Variants in LRRN3 observed in about 807,000 individuals in gnomAD.
The protein encoded by LRRN3 is leucine rich repeat neuronal 3.
In LRRN3, 15 loss-of-function variants were observed where a neutral mutation model predicts 40.1. The ratio of observed to expected loss-of-function variants is 0.37; its 90% CI spans 0.25 to 0.58. The LOEUF (loss-of-function observed/expected upper bound fraction) is 0.58. Among genes scored for constraint, LRRN3 ranks in the 20% least tolerant of loss-of-function variants. The pLI, the probability that LRRN3 is intolerant of heterozygous loss-of-function variation, is 0.72. For missense variants in LRRN3, 746 were observed against 837.7 expected (o/e 0.89, Z 1.35); for synonymous variants, 308 against 297.2 (o/e 1.04, Z -0.37).
chr7:111,101,903 G>A (rs1281475128), intron 2 of LRRN3, among the ~76,000 whole-genome samples: 1 of 151,352 alleles, frequency 6.6e-6, no homozygotes, highest in Non-Finnish European at 1.5e-5. Flanking sequence ...TAGAGTACTA[G>A]GTTATGTATC....
chr7:111,106,212 G>A (rs1403160067), intron 2 of LRRN3, among the ~76,000 whole-genome samples: 1 of 151,798 alleles, frequency 6.6e-6, no homozygotes, highest in Admixed American at 6.6e-5. Context: ...TTCTCAATTG[G>A]GAACTAAGAG....
Position 111,114,705 on chromosome 7 carries a change from C to T in LRRN3, c.-358-7710C>T, listed in dbSNP as rs149040796. Among the ~76,000 whole-genome samples, 1,335 of 148,458 alleles carry T rather than the reference C, an allele frequency of 9.0e-3. 19 individuals are homozygous for T. Among genetic ancestry groups the T allele is most frequent in the African/African-American group, 0.031 (1,234 of 39,958 alleles). On this transcript the variant is annotated intron_variant, in intron 2 of 2. Coordinates refer to ENST00000308478, the MANE Select transcript of LRRN3 (RefSeq NM_001099658.2). The stretch of plus-strand genomic sequence containing the variant: ...GAGTGAGCCGAGATCGCACCACTGC[C>T]CTCTAGCCTGGGCAACAGGCGAGAC...
At chr7:111,110,714 G>A (rs1399995139) in intron 2 of LRRN3, among the ~76,000 whole-genome samples, 2 of 152,090 alleles carry the variant, frequency 1.3e-5, no homozygotes, top group African/African-American at 2.4e-5. Context: ...TCTTGACTGA[G>A]CAATGTGAAC....
intron 2 of LRRN3, among the ~76,000 whole-genome samples, chr7:111,103,759 T>C (rs1798237409): frequency 6.6e-6 from 1 of 151,638 alleles, no homozygotes; most frequent in Non-Finnish European, 1.5e-5. Flanking sequence ...CTATGAACTT[T>C]TAACGCATTA....
At chr7:111,095,621 C>T (rs1797318276) in intron 1 of LRRN3, among the ~76,000 whole-genome samples, 1 of 151,844 alleles carries the variant, frequency 6.6e-6, no homozygotes, top group African/African-American at 2.4e-5. Flanking sequence ...TAGAGTTTTG[C>T]CCTGTTTTTA....
At chr7:111,096,828 T>C (rs1797449981) in intron 1 of LRRN3, among the ~76,000 whole-genome samples, 1 of 151,892 alleles carries the variant, frequency 6.6e-6, no homozygotes, top group Admixed American at 6.6e-5. Context: ...CTAAATAAGA[T>C]AAAAATACTA....
chr7:111,103,735 A>C (rs1798234974), intron 2 of LRRN3, among the ~76,000 whole-genome samples: 1 of 151,698 alleles, frequency 6.6e-6, no homozygotes. Flanking sequence ...CGGGTGCAGA[A>C]GAACTTTTTT....
rs1017133144 is a variant in LRRN3 at position 111,123,871 on chromosome 7, AGTAAC to A, written c.1100_1104del (p.Ser367ThrfsTer5). ...AAACCTCAAGGAAATCAGCATACACAGTAACCCCATCAGGTGTGACTGTGTCATCC... is the reference window on the plus strand; with the variant it reads ...AAACCTCAAGGAAATCAGCATACACACCCATCAGGTGTGACTGTGTCATCC... On this transcript the variant is annotated frameshift_variant, in exon 3 of 3. Coordinates refer to ENST00000308478, the MANE Select transcript of LRRN3 (RefSeq NM_001099658.2). LOFTEE classifies it high-confidence loss of function. This position sits in a 1 kb window ranked among gnomAD's most constrained non-coding sequence, Gnocchi z 6.4. 6.2e-7 allele frequency: 1 copy of A among 1,613,926 alleles called. No homozygotes were observed. The highest frequency in any genetic ancestry group is 1.3e-5 in the African/African-American group (1 of 74,910).
At chr7:111,100,480 T>C (rs939948378) in intron 2 of LRRN3, among the ~76,000 whole-genome samples, 3 of 148,628 alleles carry the variant, frequency 2.0e-5, no homozygotes, top group African/African-American at 7.3e-5. Context: ...AGATTTAAAA[T>C]AAATACAATA....
At chr7:111,118,839 G>A (rs1021082301) in intron 2 of LRRN3, among the ~76,000 whole-genome samples, 6 of 151,982 alleles carry the variant, frequency 3.9e-5, no homozygotes, top group Non-Finnish European at 8.8e-5. Flanking sequence ...TACAGACCAG[G>A]AGAAACAACA....
chr7:111,121,851 G>A (rs1350265698), intron 2 of LRRN3, among the ~76,000 whole-genome samples: 3 of 151,988 alleles, frequency 2.0e-5, no homozygotes, highest in Non-Finnish European at 4.4e-5. Context: ...ATGATAAACT[G>A]GATTAAGAAA....
In LRRN3 at chr7:111,107,586, T is replaced by G. The variant is rs867917306; in HGVS notation, c.-359+7624T>G. On this transcript the variant is annotated intron_variant, in intron 2 of 2. Transcript: ENST00000308478. ...TGCATGTATAACAAGCATTCTGTAT[T>G]TTACTTTATCTGAATAGAATTTTAG... is the stretch of plus-strand genomic sequence containing the variant. Among the ~76,000 whole-genome samples, 4 of 152,254 alleles carry G rather than the reference T, an allele frequency of 2.6e-5. No individual in the cohort carries two copies. In the Middle Eastern group the frequency reaches 0.01, roughly 388 times the overall value.
At chr7:111,119,637 T>A (rs1368544637) in intron 2 of LRRN3, among the ~76,000 whole-genome samples, 1 of 152,262 alleles carries the variant, frequency 6.6e-6, no homozygotes, top group East Asian at 1.9e-4. Flanking sequence ...AATTAGAAAT[T>A]AAGCAGATAG....
intron 2 of LRRN3, among the ~76,000 whole-genome samples, chr7:111,113,713 G>A (rs1173571193): frequency 2.6e-5 from 4 of 152,078 alleles, no homozygotes; most frequent in Admixed American, 2.0e-4. Context: ...GTCTACATGA[G>A]ACACACATTT....
intron 1 of LRRN3, among the ~76,000 whole-genome samples, chr7:111,098,927 T>C (rs911055336): frequency 6.6e-6 from 1 of 151,792 alleles, no homozygotes; most frequent in African/African-American, 2.4e-5. Flanking sequence ...ACTCTGTTTC[T>C]AGTTTCATAT....
intron 2 of LRRN3, among the ~76,000 whole-genome samples, chr7:111,112,456 C>T (rs1229757653): frequency 1.3e-5 from 2 of 151,578 alleles, no homozygotes; most frequent in Non-Finnish European, 2.9e-5. Context: ...ATGTCCTGTA[C>T]AGTAATGAAT....
chr7:111,109,595 A>G (rs1459711937), intron 2 of LRRN3, among the ~76,000 whole-genome samples: 1 of 152,190 alleles, frequency 6.6e-6, no homozygotes, highest in Admixed American at 6.5e-5. Context: ...AGAGTTCAGG[A>G]GCCATCACTG....
At chr7:111,115,655 A>G (rs1799795455) in intron 2 of LRRN3, among the ~76,000 whole-genome samples, 1 of 151,432 alleles carries the variant, frequency 6.6e-6, no homozygotes, top group South Asian at 2.1e-4. Flanking sequence ...TATTTTTATT[A>G]TTTATTTTTA....
At chr7:111,115,986 G>A (rs1799837655) in intron 2 of LRRN3, among the ~76,000 whole-genome samples, 1 of 152,060 alleles carries the variant, frequency 6.6e-6, no homozygotes, top group African/African-American at 2.4e-5. Context: ...CGGAATTATT[G>A]TTTAAAGAAA....
Sources: allele counts gnomAD v4.1 joint callset (sites outside exome capture counted in the v4.1 genomes callset), GRCh38; gene constraint gnomAD v4.1.1; non-coding constraint Gnocchi (gnomAD v3.1); transcripts MANE v1.5; gene names NCBI Gene and HGNC (gene_info 2026-07-23, HGNC 2026-07-21).